Variants in CDH12 observed in about 807,000 individuals in gnomAD.
The protein encoded by CDH12 is cadherin-12.
In CDH12, 41 loss-of-function variants were observed where a neutral mutation model predicts 74.1. That is an observed-to-expected ratio of 0.55 (90% CI 0.43 to 0.72). CDH12 has a LOEUF of 0.72. Ranked by LOEUF, CDH12 falls within the 30% of genes least tolerant of loss-of-function variation. CDH12 has a pLI of 0.00. For synonymous variants in CDH12, 399 were observed against 355.0 expected (o/e 1.12, Z -1.39); for missense variants, 945 against 977.2 (o/e 0.97, Z 0.44).
chr5:22,804,116 C>T (rs1303796925), intron 1 of CDH12, among the ~76,000 whole-genome samples: 2 of 152,052 alleles, frequency 1.3e-5, no homozygotes, highest in Non-Finnish European at 2.9e-5. Flanking sequence ...TTGAAGTTCA[C>T]ATGACATTTC....
intron 6 of CDH12, among the ~76,000 whole-genome samples, chr5:21,930,204 A>C (rs1489547155): frequency 2.0e-5 from 3 of 152,186 alleles, no homozygotes; most frequent in African/African-American, 4.8e-5. Context: ...TGTTTGGAGC[A>C]AGAAAGAGGG....
intron 11 of CDH12, among the ~76,000 whole-genome samples, chr5:21,780,314 C>A (rs1354101636): frequency 6.6e-6 from 1 of 152,176 alleles, no homozygotes; most frequent in East Asian, 1.9e-4. Context: ...CTTGCTTCCA[C>A]TATAAAGGTT....
chr5:22,164,343 G>A (rs920918250), intron 4 of CDH12, among the ~76,000 whole-genome samples: 3 of 152,198 alleles, frequency 2.0e-5, no homozygotes, highest in Non-Finnish European at 4.4e-5. Context: ...CAATTAGGAT[G>A]AACCCAGGCA....
chr5:21,853,809 G>A (rs1437327773), intron 7 of CDH12, among the ~76,000 whole-genome samples: 1 of 151,552 alleles, frequency 6.6e-6, no homozygotes, highest in Non-Finnish European at 1.5e-5. Context: ...TTCCATATGA[G>A]AACAGTTTTC....
chr5:21,857,893 AC>A (rs1249719388), intron 6 of CDH12, among the ~76,000 whole-genome samples: 5 of 151,584 alleles, frequency 3.3e-5, no homozygotes, highest in African/African-American at 4.8e-5. Flanking sequence ...TTCTGATGAG[AC>A]CTCTCTTCCT....
intron 1 of CDH12, among the ~76,000 whole-genome samples, chr5:22,837,558 GGTT>G (rs1385299937): frequency 1.3e-5 from 2 of 152,086 alleles, no homozygotes; most frequent in Non-Finnish European, 2.9e-5. Context: ...AACACCAATA[GGTT>G]GTTGACATTT....
At chr5:22,489,509 G>A (rs1484953349) in intron 2 of CDH12, among the ~76,000 whole-genome samples, 1 of 151,758 alleles carries the variant, frequency 6.6e-6, no homozygotes, top group African/African-American at 2.4e-5. Context: ...TCTACTGTTG[G>A]CATGATTTCA....
chr5:22,119,235 G>C (rs905852547), intron 4 of CDH12, among the ~76,000 whole-genome samples: 1 of 147,316 alleles, frequency 6.8e-6, no homozygotes, highest in Non-Finnish European at 1.5e-5. Context: ...GATGTACCCA[G>C]TATTGCTAAA....
At chr5:22,064,247 C>T (rs1006120211) in intron 5 of CDH12, among the ~76,000 whole-genome samples, 2 of 152,154 alleles carry the variant, frequency 1.3e-5, no homozygotes, top group Admixed American at 6.6e-5. Flanking sequence ...CACTGCATGA[C>T]TTGCGAATGC....
intron 1 of CDH12, among the ~76,000 whole-genome samples, chr5:22,562,589 T>C (rs1244429199): frequency 6.6e-6 from 1 of 151,808 alleles, no homozygotes; most frequent in Non-Finnish European, 1.5e-5. Flanking sequence ...GGAAGGGATT[T>C]TTTTTTTCTT....
At chr5:21,984,891 T>G (rs1210713780) in intron 5 of CDH12, among the ~76,000 whole-genome samples, 3 of 152,204 alleles carry the variant, frequency 2.0e-5, no homozygotes, top group Non-Finnish European at 4.4e-5. Context: ...TCATACCAAT[T>G]CACTACACAA....
intron 6 of CDH12, among the ~76,000 whole-genome samples, chr5:21,869,233 C>T (rs1165942843): frequency 4.6e-5 from 7 of 152,058 alleles, no homozygotes; most frequent in Non-Finnish European, 1.0e-4. Flanking sequence ...ACAGAAGATC[C>T]CTTAGGTTTT....
chr5:22,386,066 AT>A (rs1338149648), intron 3 of CDH12, among the ~76,000 whole-genome samples: 1 of 151,722 alleles, frequency 6.6e-6, no homozygotes, highest in East Asian at 1.9e-4. Flanking sequence ...CTAATTTTGT[AT>A]TTTTAGTAGA....
chr5:22,135,955 C>T (rs1370563996), intron 4 of CDH12, among the ~76,000 whole-genome samples: 3 of 151,828 alleles, frequency 2.0e-5, no homozygotes, highest in Non-Finnish European at 1.5e-5. Flanking sequence ...GACGAGAATG[C>T]CCCAATTCAA....
chr5:22,845,383 C>T (rs771764520), intron 1 of CDH12, among the ~76,000 whole-genome samples: 1 of 152,072 alleles, frequency 6.6e-6, no homozygotes, highest in African/African-American at 2.4e-5. Context: ...CCACTTTTAA[C>T]ATATTATGAT....
intron 1 of CDH12, among the ~76,000 whole-genome samples, chr5:22,628,185 A>C (rs565431780): frequency 6.6e-6 from 1 of 152,264 alleles, no homozygotes; most frequent in Non-Finnish European, 1.5e-5. Context: ...AGACATTATT[A>C]GATCAACCAT....
intron 2 of CDH12, among the ~76,000 whole-genome samples, chr5:22,478,331 T>C (rs1373578723): frequency 2.9e-5 from 4 of 137,834 alleles, no homozygotes; most frequent in Admixed American, 8.4e-5. Context: ...GGCAGGAGAA[T>C]GGCGTGAACC....
In CDH12 at chr5:21,753,533, CCCA is replaced by C. The variant is rs1192165624; in HGVS notation, c.1886-1300_1886-1298del. Among the ~76,000 whole-genome samples the C allele has an allele frequency of 2.0e-5, 3 of 152,098 alleles. No homozygotes were observed. The South Asian group carries it at 6.2e-4, about 32-fold the overall frequency. On this transcript the variant is annotated intron_variant, in intron 14 of 14. Transcript: ENST00000382254. ...GTGCCTGAGGTCCATTTAAAAGGGA[CCCA>C]AGCACCATACCTTTCTGTTCTTTCT...
intron 1 of CDH12, among the ~76,000 whole-genome samples, chr5:22,778,410 A>G (rs2126337399): frequency 6.6e-6 from 1 of 152,296 alleles, no homozygotes; most frequent in East Asian, 1.9e-4. Flanking sequence ...AAAGAAAGTG[A>G]GGAAAGAGCT....
Sources: allele counts gnomAD v4.1 joint callset (sites outside exome capture counted in the v4.1 genomes callset), GRCh38; gene constraint gnomAD v4.1.1; transcripts MANE v1.5; gene names NCBI Gene and HGNC (gene_info 2026-07-23, HGNC 2026-07-21).